The following KCNQ5 variants were observed in gnomAD, a reference collection of about 807,000 sequenced individuals.
The protein encoded by KCNQ5 is potassium voltage-gated channel subfamily Q member 5.
A neutral mutation model predicts 98.2 loss-of-function variants in KCNQ5; 30 were observed. The observed-to-expected ratio is 0.31, with a 90% CI of 0.23 to 0.41. The LOEUF is 0.41. Among genes scored for constraint, KCNQ5 ranks in the 10% least tolerant of loss-of-function variants. KCNQ5 has a pLI of 1.00. For synonymous variants in KCNQ5, 458 were observed against 449.4 expected (o/e 1.02, Z -0.24); for missense variants, 835 against 1,182.5 (o/e 0.71, Z 4.31).
intron 1 of KCNQ5, among the ~76,000 whole-genome samples, chr6:72,941,344 TCTTC>T (rs1562082086): frequency 2.6e-5 from 1 of 38,940 alleles, no homozygotes. Flanking sequence ...TTCCTTCCTT[TCTTC>T]CTTCCTTCTT....
intron 1 of KCNQ5, among the ~76,000 whole-genome samples, chr6:72,764,412 A>G (rs1237412058): frequency 6.6e-6 from 1 of 151,994 alleles, no homozygotes; most frequent in Non-Finnish European, 1.5e-5. Context: ...AAGTGCTAGG[A>G]ATACTGTTTT....
At chr6:73,080,982 A>AAATAGTGAAACCTATTCACTAATT (rs1773740951) in intron 5 of KCNQ5, among the ~76,000 whole-genome samples, 4 of 152,228 alleles carry the variant, frequency 2.6e-5, no homozygotes, top group Non-Finnish European at 5.9e-5. Flanking sequence ...TAGTTCATTG[A>AAATAGTGAAACCTATTCACTAATT]GTAAGTGAAA....
intron 1 of KCNQ5, chr6:72,987,616 AACCTGCAGCAGG>A: frequency 1.4e-5 from 2 of 141,690 alleles, no homozygotes; most frequent in Non-Finnish European, 2.6e-5. Flanking sequence ...CCTGCAGCAG[AACCTGCAGCAGG>A]ACTGTGACCG....
chr6:72,959,153 T>C (rs1016993886), intron 1 of KCNQ5, among the ~76,000 whole-genome samples: 6 of 152,312 alleles, frequency 3.9e-5, no homozygotes, highest in African/African-American at 1.4e-4. Context: ...AGGCAGAATA[T>C]GCATCAATAA....
intron 1 of KCNQ5, among the ~76,000 whole-genome samples, chr6:72,817,378 G>A (rs1235425790): frequency 3.3e-5 from 5 of 152,128 alleles, no homozygotes; most frequent in African/African-American, 7.2e-5. Context: ...ATATTTTAAT[G>A]TGCATTACTC....
chr6:72,654,825 C>A (rs144759705), intron 1 of KCNQ5, among the ~76,000 whole-genome samples: 191 of 152,014 alleles, frequency 1.3e-3, no homozygotes, highest in African/African-American at 3.8e-3. Context: ...ATATTATTTT[C>A]ATTAAAATAA....
intron 1 of KCNQ5, among the ~76,000 whole-genome samples, chr6:72,637,853 G>C (rs2098925088): frequency 6.6e-6 from 1 of 152,164 alleles, no homozygotes; most frequent in South Asian, 2.1e-4. Flanking sequence ...CCTTGACATA[G>C]AAGAAATTAC....
At chr6:73,080,549 T>A (rs909518309) in intron 5 of KCNQ5, among the ~76,000 whole-genome samples, 1 of 152,162 alleles carries the variant, frequency 6.6e-6, no homozygotes, top group Admixed American at 6.5e-5. Context: ...AAATTTAGAC[T>A]ATTATACCTT....
chr6:72,671,895 C>T (rs563831553), intron 1 of KCNQ5, among the ~76,000 whole-genome samples: 12 of 151,960 alleles, frequency 7.9e-5, no homozygotes, highest in Non-Finnish European at 1.3e-4. Context: ...CGGCTCACTG[C>T]GAGCTCCACC....
chr6:72,773,487 G>T (rs565145997), intron 1 of KCNQ5, among the ~76,000 whole-genome samples: 1 of 152,190 alleles, frequency 6.6e-6, no homozygotes, highest in South Asian at 2.1e-4. Flanking sequence ...AGCATTAGGA[G>T]AAATACCTAA....
In KCNQ5 at chr6:73,194,978, A is replaced by G. The variant is rs1238594811; in HGVS notation, c.2363A>G (p.Lys788Arg). Residue 788 changes from lysine (K) to arginine (R), a missense_variant, in exon 14 of 14, where the codon AAG (lysine) becomes AGG (arginine). This residue lies in a region of KCNQ5 where 416 missense variants were observed against 446.9 expected (regional missense o/e 0.93). Coordinates refer to ENST00000370398, the MANE Select transcript of KCNQ5 (RefSeq NM_019842.4). Reference sequence around the variant, plus strand: ...GTCACCACCTGCCTTGTTGCCTCCAAGGAAAATGTTCAGGTTGCACAGTCA... The same window carrying G: ...GTCACCACCTGCCTTGTTGCCTCCAGGGAAAATGTTCAGGTTGCACAGTCA... ...SDVTTCLVAS[K>R]ENVQVAQSNL... 2.5e-6 allele frequency: 4 copies of G among 1,614,080 alleles called. No individual in the cohort carries two copies. Among genetic ancestry groups the G allele is most frequent in the East Asian group, 2.2e-5 (1 of 44,898 alleles).
chr6:72,924,395 C>T (rs1248496645), intron 1 of KCNQ5, among the ~76,000 whole-genome samples: 1 of 152,066 alleles, frequency 6.6e-6, no homozygotes, highest in Non-Finnish European at 1.5e-5. Context: ...AAAGTGAAAA[C>T]TAGGGTCACC....
chr6:72,951,630 T>C (rs1766814060), intron 1 of KCNQ5, among the ~76,000 whole-genome samples: 1 of 152,058 alleles, frequency 6.6e-6, no homozygotes. Context: ...TGTCCTCCCC[T>C]AAGATACGTA....
chr6:73,107,856 C>G (rs1278710019), intron 6 of KCNQ5, among the ~76,000 whole-genome samples: 1 of 152,154 alleles, frequency 6.6e-6, no homozygotes, highest in Non-Finnish European at 1.5e-5. Flanking sequence ...TTTACTGAAA[C>G]TTCACAATAT....
At chr6:72,935,664 C>A (rs1231400233) in intron 1 of KCNQ5, among the ~76,000 whole-genome samples, 1 of 152,148 alleles carries the variant, frequency 6.6e-6, no homozygotes, top group Non-Finnish European at 1.5e-5. Flanking sequence ...CAGCTTATGC[C>A]TATTTCTCTG....
At chr6:72,719,659 G>A (rs1314087284) in intron 1 of KCNQ5, among the ~76,000 whole-genome samples, 3 of 152,174 alleles carry the variant, frequency 2.0e-5, no homozygotes, top group African/African-American at 7.2e-5. Context: ...ATTCTTGGCA[G>A]TGGTGGCCCA....
At chr6:73,118,999 G>C (rs1417222255) in intron 7 of KCNQ5, among the ~76,000 whole-genome samples, 1 of 152,050 alleles carries the variant, frequency 6.6e-6, no homozygotes, top group Non-Finnish European at 1.5e-5. Flanking sequence ...CCAGCCTGGG[G>C]GACAGAGGGA....
At position 73,096,144 on chromosome 6, in the gene KCNQ5, T is replaced by C. The variant is rs940021370; in HGVS notation, c.919-9113T>C. 3.3e-5 allele frequency among the ~76,000 whole-genome samples: 5 copies of C among 152,094 alleles called. No homozygotes were observed. In the Middle Eastern group the frequency reaches 0.01, roughly 310 times the overall value. On this transcript the variant is annotated intron_variant, in intron 5 of 13. Transcript: ENST00000370398. ...CAAAATTGAAGAACTTAGAGTCCAGTGTTCAAGGACAGGAGGCATCCCGGA... is the reference window on the plus strand; with the variant it reads ...CAAAATTGAAGAACTTAGAGTCCAGCGTTCAAGGACAGGAGGCATCCCGGA...
Position 72,962,222 on chromosome 6 carries a change from CAT to C in KCNQ5, c.399-41672_399-41671del, listed in dbSNP as rs775320861. On this transcript the variant is annotated intron_variant, in intron 1 of 13. Transcript: ENST00000370398. ...ATATACATATATATATATATACACA[CAT>C]ATATATATATATACACATATATATA... Among the ~76,000 whole-genome samples, 1,129 of 138,430 alleles carry C rather than the reference CAT, an allele frequency of 8.2e-3. 6 individuals carry two copies. The highest frequency in any genetic ancestry group is 0.011 in the African/African-American group (399 of 37,064). 90.8% of individuals were successfully genotyped at this position (138,430 alleles called of 152,430 possible). A position where few individuals can be genotyped will look rare whatever the true frequency, so the allele number is the denominator to read the frequency against.
Sources: gnomAD v4.1 joint callset for allele counts (sites outside exome capture counted in the v4.1 genomes callset) on GRCh38, gnomAD v4.1.1 for gene constraint, gnomAD v4.1.1 regional missense constraint, MANE v1.5 for transcripts, NCBI Gene and HGNC (gene_info 2026-07-23, HGNC 2026-07-21) for gene names.